Variants in ERC1 observed in about 807,000 individuals in gnomAD.
ERC1 encodes the protein ELKS/RAB6-interacting/CAST family member 1, also known as RAB6 interacting protein 2.
ERC1 carries 56 observed loss-of-function variants against 132.0 expected under a neutral mutation model. That is an observed-to-expected ratio of 0.42 (90% CI 0.34 to 0.53). ERC1 has a LOEUF of 0.53. Ranked by LOEUF, ERC1 falls within the 20% of genes least tolerant of loss-of-function variation. The pLI, the probability that ERC1 is intolerant of heterozygous loss-of-function variation, is 0.03. For synonymous variants in ERC1, 478 were observed against 476.1 expected, an observed-to-expected ratio of 1.00 and a Z score of -0.05; for missense variants, 1,202 against 1,349.9, an observed-to-expected ratio of 0.89 and a Z score of 1.72.
At chr12:1,464,177 ATG>A (rs2093696974) in intron 18 of ERC1, among the ~76,000 whole-genome samples, 1 of 152,224 alleles carries the variant, frequency 6.6e-6, no homozygotes, top group South Asian at 2.1e-4. Context: ...TTTGGTGTAT[ATG>A]TGGGACCTTG....
rs74057299 is a variant in ERC1 at position 1,216,670 on chromosome 12, A to G, written c.2352-20099A>G. ...AATGATATGTACAAAAACACTTTTC[A>G]GCTGGGAAGAGTGAAACAAGTTAAT... On this transcript the variant is annotated intron_variant, in intron 12 of 18. Transcript: ENST00000360905. Among the ~76,000 whole-genome samples, 280 of 151,838 alleles carry G rather than the reference A, an allele frequency of 1.8e-3. 3 individuals carry two copies. Among genetic ancestry groups the G allele is most frequent in the African/African-American group, 6.5e-3 (270 of 41,300 alleles).
chr12:1,398,705 T>C (rs1006977196), intron 16 of ERC1, among the ~76,000 whole-genome samples: 2 of 152,102 alleles, frequency 1.3e-5, no homozygotes, highest in African/African-American at 4.8e-5. Flanking sequence ...GAAATTTATT[T>C]TTTCACAGTT....
intron 15 of ERC1, among the ~76,000 whole-genome samples, chr12:1,361,367 C>T (rs1227289346): frequency 1.3e-5 from 2 of 152,068 alleles, no homozygotes; most frequent in East Asian, 3.9e-4. Context: ...ATGTAACAAA[C>T]ATGCACATTG....
intron 1 of ERC1, among the ~76,000 whole-genome samples, chr12:1,021,276 C>T (rs1306947407): frequency 6.6e-6 from 1 of 152,032 alleles, no homozygotes; most frequent in Non-Finnish European, 1.5e-5. Flanking sequence ...GTTGAGTGTG[C>T]CAGGAATGCA....
At chr12:1,029,202 A>T (rs1389581886) in intron 2 of ERC1, among the ~76,000 whole-genome samples, 1 of 152,044 alleles carries the variant, frequency 6.6e-6, no homozygotes, top group African/African-American at 2.4e-5. Flanking sequence ...AAATACAAAA[A>T]TTAGCCAGGT....
At chr12:1,277,617 T>C (rs1186322282) in intron 14 of ERC1, among the ~76,000 whole-genome samples, 1 of 152,176 alleles carries the variant, frequency 6.6e-6, no homozygotes, top group Non-Finnish European at 1.5e-5. Context: ...AGTCCAAAAG[T>C]GTTACAGATA....
intron 15 of ERC1, among the ~76,000 whole-genome samples, chr12:1,346,587 C>T (rs978509118): frequency 1.3e-5 from 2 of 152,208 alleles, no homozygotes; most frequent in South Asian, 2.1e-4. Flanking sequence ...AAAATAGACT[C>T]TATCAGTCAG....
intron 13 of ERC1, among the ~76,000 whole-genome samples, chr12:1,255,185 A>G (rs1333289822): frequency 2.6e-5 from 4 of 151,826 alleles, no homozygotes; most frequent in Non-Finnish European, 4.4e-5. Context: ...TATGAGTGAG[A>G]ACATGCGGTG....
chr12:1,418,595 CTTTCTTTCTTTCTTTCTTTCTTTCTT>C (rs2092249629), intron 17 of ERC1, among the ~76,000 whole-genome samples: 1 of 38,040 alleles, frequency 2.6e-5, no homozygotes. Flanking sequence ...CTTTCTCTTT[CTTTCTTTCTTTCTTTCTTTCTTTCTT>C]TCTTTCTTTC....
At chr12:1,071,927 C>A (rs569866419) in intron 2 of ERC1, among the ~76,000 whole-genome samples, 1 of 151,950 alleles carries the variant, frequency 6.6e-6, no homozygotes, top group Non-Finnish European at 1.5e-5. Flanking sequence ...ATGGAGAAAC[C>A]CTGTCTCTAC....
intron 15 of ERC1, among the ~76,000 whole-genome samples, chr12:1,361,387 AC>A (rs2086104715): frequency 6.6e-6 from 1 of 152,172 alleles, no homozygotes; most frequent in African/African-American, 2.4e-5. Context: ...GTGCACATGT[AC>A]CCTAAAACTT....
chr12:1,344,794 A>C (rs953892482), intron 15 of ERC1, among the ~76,000 whole-genome samples: 2 of 152,200 alleles, frequency 1.3e-5, no homozygotes, highest in African/African-American at 4.8e-5. Context: ...AAGTTTACAC[A>C]TTTATATTTC....
chr12:1,236,048 C>T (rs2075390466), intron 12 of ERC1, among the ~76,000 whole-genome samples: 1 of 152,058 alleles, frequency 6.6e-6, no homozygotes, highest in South Asian at 2.1e-4. Flanking sequence ...TATTGAATAT[C>T]ATTCTGTACT....
At chr12:1,075,910 T>A (rs1285432679) in intron 2 of ERC1, among the ~76,000 whole-genome samples, 2 of 152,192 alleles carry the variant, frequency 1.3e-5, no homozygotes, top group African/African-American at 4.8e-5. Flanking sequence ...AGAAAATCCA[T>A]GTGTCAGCAG....
chr12:1,489,410 T>G (rs1344701958), intron 18 of ERC1, among the ~76,000 whole-genome samples: 1 of 152,180 alleles, frequency 6.6e-6, no homozygotes, highest in Non-Finnish European at 1.5e-5. Flanking sequence ...GGGTGGTCGT[T>G]TATCTGTTTA....
intron 3 of ERC1, among the ~76,000 whole-genome samples, chr12:1,091,184 C>T (rs1260256588): frequency 6.6e-6 from 1 of 152,166 alleles, no homozygotes; most frequent in Non-Finnish European, 1.5e-5. Flanking sequence ...CTACTGCACC[C>T]AGCCCCATTT....
At chr12:1,048,808 A>G (rs1299129348) in intron 2 of ERC1, among the ~76,000 whole-genome samples, 1 of 152,212 alleles carries the variant, frequency 6.6e-6, no homozygotes, top group Non-Finnish European at 1.5e-5. Flanking sequence ...CTAGTATAAT[A>G]TAATTACGAA....
chr12:1,190,890 A>T (rs1594095980), intron 12 of ERC1, among the ~76,000 whole-genome samples: 4 of 148,496 alleles, frequency 2.7e-5, no homozygotes, highest in Admixed American at 6.7e-5. Flanking sequence ...CTTAAGAATA[A>T]TTTTTTTTTT....
In ERC1 at chr12:1,097,193, T is replaced by C. The variant is rs545379885; in HGVS notation, c.1087-7557T>C. On this transcript the variant is annotated intron_variant, in intron 3 of 18. Coordinates refer to ENST00000360905, the MANE Select transcript of ERC1 (RefSeq NM_178040.4). ...CCATGTTTATTTCAGTGGAATGACT[T>C]CTCTCCTGGTTGTAGGTCATATTTT... 3.9e-5 allele frequency among the ~76,000 whole-genome samples: 6 copies of C among 152,330 alleles called. No homozygotes were observed. In the South Asian group the frequency reaches 1.2e-3, roughly 32 times the overall value.
Sources: allele counts gnomAD v4.1 joint callset (sites outside exome capture counted in the v4.1 genomes callset), GRCh38; gene constraint gnomAD v4.1.1; transcripts MANE v1.5; gene names NCBI Gene and HGNC (gene_info 2026-07-23, HGNC 2026-07-21).